Variants in SH3KBP1 observed in about 807,000 individuals in gnomAD.
SH3KBP1 encodes SH3 domain-containing kinase-binding protein 1.
Under a neutral mutation model 50.1 loss-of-function variants are expected in SH3KBP1, and 8 were observed. The ratio of observed to expected loss-of-function variants is 0.16; its 90% CI spans 0.09 to 0.29. The LOEUF (loss-of-function observed/expected upper bound fraction) is 0.29. Ranked by LOEUF, SH3KBP1 falls within the 10% of genes least tolerant of loss-of-function variation. SH3KBP1 has a pLI of 1.00. For missense variants in SH3KBP1, 377 were observed against 535.2 expected, an observed-to-expected ratio of 0.70 and a Z score of 2.92; for synonymous variants, 227 against 218.6, an observed-to-expected ratio of 1.04 and a Z score of -0.34.
intron 3 of SH3KBP1, among the ~76,000 whole-genome samples, chrX:19,742,026 C>G (rs1398860110): frequency 8.9e-6 from 1 of 112,002 alleles, no homozygotes; most frequent in African/African-American, 3.2e-5. Context: ...GTATTGATGA[C>G]AGCCTGGATA....
chrX:19,616,674 T>C, intron 8 of SH3KBP1, among the ~76,000 whole-genome samples: 1 of 111,652 alleles, frequency 9.0e-6, no homozygotes. Context: ...TGTTGAGTTC[T>C]GCTATGGTAG....
At chrX:19,766,483 CTTTTTTTTTTTTTTTTTTTT>C (rs61439964) in intron 2 of SH3KBP1, among the ~76,000 whole-genome samples, 203 of 22,585 alleles carry the variant, frequency 9.0e-3, no homozygotes, top group Middle Eastern at 0.042. Context: ...TTGATTGCAT[CTTTTTTTTTTTTTTTTTTTT>C]TTTTTTTTTT....
chrX:19,798,624 G>A (rs2066793919), intron 2 of SH3KBP1, among the ~76,000 whole-genome samples: 1 of 111,558 alleles, frequency 9.0e-6, no homozygotes, highest in Admixed American at 9.5e-5. Context: ...TTGGGAGGCG[G>A]GTCACCTGGC....
At chrX:19,752,117 C>T (rs1195353886) in intron 2 of SH3KBP1, among the ~76,000 whole-genome samples, 1 of 112,328 alleles carries the variant, frequency 8.9e-6, no homozygotes, top group Non-Finnish European at 1.9e-5. Flanking sequence ...GGGCCCCTCC[C>T]TCCTTTCATC....
chrX:19,605,129 A>G (rs946095183), intron 9 of SH3KBP1, among the ~76,000 whole-genome samples: 25 of 110,621 alleles, frequency 2.3e-4, no homozygotes, highest in Middle Eastern at 4.6e-3. Context: ...CTAGAAAAGT[A>G]CTGTATGGAG....
intron 2 of SH3KBP1, among the ~76,000 whole-genome samples, chrX:19,806,168 C>G (rs2067038604): frequency 9.0e-6 from 1 of 111,620 alleles, no homozygotes; most frequent in South Asian, 3.7e-4. Context: ...AAAATAAACA[C>G]TACTATAGAA....
chrX:19,658,959 A>T (rs1456315577), intron 6 of SH3KBP1, among the ~76,000 whole-genome samples: 1 of 106,521 alleles, frequency 9.4e-6, no homozygotes, highest in African/African-American at 3.4e-5. Context: ...GGTAAGGTAC[A>T]CTTTTTTTTT....
intron 3 of SH3KBP1, among the ~76,000 whole-genome samples, chrX:19,741,576 T>C (rs748104197): frequency 2.7e-5 from 3 of 111,961 alleles, no homozygotes; most frequent in African/African-American, 9.7e-5. Context: ...GAATTCATGA[T>C]AAACTGGAAA....
intron 1 of SH3KBP1, among the ~76,000 whole-genome samples, chrX:19,884,741 C>G (rs1353918810): frequency 2.7e-5 from 3 of 111,950 alleles, no homozygotes; most frequent in Non-Finnish European, 5.6e-5. Flanking sequence ...TCACTACTCA[C>G]AGATTTGGGT....
chrX:19,827,343 C>G (rs1417622905), intron 2 of SH3KBP1, among the ~76,000 whole-genome samples: 2 of 111,703 alleles, frequency 1.8e-5, no homozygotes, highest in African/African-American at 3.3e-5. Flanking sequence ...TAAAGATCAA[C>G]AAGCATATTC....
At chrX:19,653,487 C>A (rs60760141) in intron 6 of SH3KBP1, among the ~76,000 whole-genome samples, 2 of 110,119 alleles carry the variant, frequency 1.8e-5, no homozygotes, top group African/African-American at 3.3e-5. Context: ...CCGAGGCAGG[C>A]GGATCATGAG....
chrX:19,863,259 A>C (rs1378145943), intron 1 of SH3KBP1, among the ~76,000 whole-genome samples: 2 of 111,215 alleles, frequency 1.8e-5, no homozygotes, highest in East Asian at 5.6e-4. Flanking sequence ...GTACAGTGAC[A>C]GGATCATAGC....
intron 12 of SH3KBP1, among the ~76,000 whole-genome samples, chrX:19,575,020 G>T (rs1298095341): frequency 8.9e-6 from 1 of 112,009 alleles, no homozygotes; most frequent in Non-Finnish European, 1.9e-5. Context: ...AATTCTGTTG[G>T]TTAAGCCACT....
intron 1 of SH3KBP1, among the ~76,000 whole-genome samples, chrX:19,865,255 G>A (rs1339050968): frequency 8.9e-6 from 1 of 112,255 alleles, no homozygotes; most frequent in Non-Finnish European, 1.9e-5. Context: ...CATGGGTCTC[G>A]GCCTTGGTGG....
intron 3 of SH3KBP1, among the ~76,000 whole-genome samples, chrX:19,707,491 G>C (rs2063675557): frequency 9.0e-6 from 1 of 111,558 alleles, no homozygotes; most frequent in South Asian, 3.8e-4. Context: ...CCTGATAAGT[G>C]AAGGCTGATT....
intron 2 of SH3KBP1, among the ~76,000 whole-genome samples, chrX:19,758,171 CA>C (rs1443631889): frequency 9.2e-6 from 1 of 108,678 alleles, no homozygotes; most frequent in Non-Finnish European, 1.9e-5. Context: ...ACTAAAAATA[CA>C]AAAAAAGTAG....
chrX:19,776,661 C>A (rs2065992157), intron 2 of SH3KBP1, among the ~76,000 whole-genome samples: 1 of 105,713 alleles, frequency 9.5e-6, no homozygotes, highest in African/African-American at 3.5e-5. Context: ...GATCCTCCCA[C>A]CTCAGCCTAC....
At chrX:19,721,481 C>T (rs2064058131) in intron 3 of SH3KBP1, among the ~76,000 whole-genome samples, 1 of 111,992 alleles carries the variant, frequency 8.9e-6, no homozygotes, top group South Asian at 3.6e-4. Flanking sequence ...ACCTCCTGAC[C>T]CACTGCTGGA....
intron 2 of SH3KBP1, among the ~76,000 whole-genome samples, chrX:19,771,864 C>CAAA (rs11457525): frequency 2.5e-4 from 18 of 73,105 alleles, no homozygotes; most frequent in African/African-American, 9.1e-4. Flanking sequence ...AACTCCGTCT[C>CAAA]AAAAAAAAAA....
Sources: gnomAD v4.1 joint callset for allele counts (sites outside exome capture counted in the v4.1 genomes callset) on GRCh38, gnomAD v4.1.1 for gene constraint, MANE v1.5 for transcripts, NCBI Gene and HGNC (gene_info 2026-07-23, HGNC 2026-07-21) for gene names.